The following MYO1D variants were observed in gnomAD, a reference collection of about 807,000 sequenced individuals.
The protein encoded by MYO1D is myosin ID.
Under a neutral mutation model 122.0 loss-of-function variants are expected in MYO1D, and 83 were observed. The observed-to-expected ratio is 0.68, with a 90% CI of 0.57 to 0.82. MYO1D has a LOEUF of 0.82. Ranked by LOEUF, MYO1D falls within the 40% of genes least tolerant of loss-of-function variation. The pLI is 0.00. For missense variants in MYO1D, 1,157 were observed against 1,269.5 expected (o/e 0.91, Z 1.35); for synonymous variants, 464 against 446.9 (o/e 1.04, Z -0.48).
At chr17:32,755,354 A>G in intron 11 of MYO1D, 138 bp downstream of exon 11, 1 of 905,934 alleles carries the variant, frequency 1.1e-6, no homozygotes. Flanking sequence ...GCAACAAATC[A>G]TTTAATGAAT....
At chr17:32,780,324 G>C (rs902230334) in intron 2 of MYO1D, among the ~76,000 whole-genome samples, 2 of 151,994 alleles carry the variant, frequency 1.3e-5, no homozygotes, top group African/African-American at 4.8e-5. Flanking sequence ...CATTTTCCAT[G>C]TCAGCTCAAT....
At chr17:32,683,563 G>A (rs1394718714) in intron 16 of MYO1D, among the ~76,000 whole-genome samples, 1 of 151,744 alleles carries the variant, frequency 6.6e-6, no homozygotes, top group Non-Finnish European at 1.5e-5. Context: ...AGGCTGCTCG[G>A]GGGTCAGGGG....
At chr17:32,537,293 TCTGGTTGC>T (rs1910691421) in intron 21 of MYO1D, among the ~76,000 whole-genome samples, 1 of 152,206 alleles carries the variant, frequency 6.6e-6, no homozygotes, top group South Asian at 2.1e-4. Context: ...CAGGGCCAAA[TCTGGTTGC>T]CTGTTTTTGT....
chr17:32,728,729 T>C (rs1340249467), intron 14 of MYO1D, among the ~76,000 whole-genome samples: 1 of 152,126 alleles, frequency 6.6e-6, no homozygotes, highest in Non-Finnish European at 1.5e-5. Flanking sequence ...ATTTGGAAAA[T>C]ATTTTGGACT....
intron 21 of MYO1D, among the ~76,000 whole-genome samples, chr17:32,569,846 G>A (rs2087206322): frequency 6.6e-6 from 1 of 152,164 alleles, no homozygotes; most frequent in Non-Finnish European, 1.5e-5. Flanking sequence ...GGGAATAAAG[G>A]AGAGATAAAA....
chr17:32,584,106 G>T (rs1416624841), intron 21 of MYO1D, among the ~76,000 whole-genome samples: 1 of 152,086 alleles, frequency 6.6e-6, no homozygotes, highest in African/African-American at 2.4e-5. Context: ...GTCCAGCTGT[G>T]TCCTACCTTT....
chr17:32,619,570 T>C (rs761615870), intron 20 of MYO1D, among the ~76,000 whole-genome samples: 1 of 152,228 alleles, frequency 6.6e-6, no homozygotes, highest in Non-Finnish European at 1.5e-5. Context: ...TGGTTTGTGC[T>C]GGGCATCTGC....
intron 16 of MYO1D, among the ~76,000 whole-genome samples, chr17:32,672,384 A>G (rs1480575645): frequency 2.0e-5 from 3 of 152,254 alleles, no homozygotes; most frequent in Non-Finnish European, 2.9e-5. Flanking sequence ...TGGACTTGCT[A>G]TAATAATTAA....
chr17:32,687,102 G>A (rs2089024490), intron 16 of MYO1D, among the ~76,000 whole-genome samples: 1 of 151,846 alleles, frequency 6.6e-6, no homozygotes, highest in Non-Finnish European at 1.5e-5. Context: ...TATACTATGA[G>A]GTGGGTACTA....
chr17:32,736,307 A>C (rs1379150492), intron 14 of MYO1D, among the ~76,000 whole-genome samples: 1 of 152,166 alleles, frequency 6.6e-6, no homozygotes, highest in Non-Finnish European at 1.5e-5. Context: ...TGCACTGCTG[A>C]CCAGAATGAA....
chr17:32,609,966 T>G (rs1272238996), intron 20 of MYO1D, among the ~76,000 whole-genome samples: 2 of 152,240 alleles, frequency 1.3e-5, no homozygotes, highest in Admixed American at 6.5e-5. Context: ...TCTATCACGC[T>G]TCACTCTCAT....
At chr17:32,856,200 G>A (rs1487219991) in intron 1 of MYO1D, among the ~76,000 whole-genome samples, 2 of 152,000 alleles carry the variant, frequency 1.3e-5, no homozygotes, top group Non-Finnish European at 2.9e-5. Context: ...GGAGAGATAT[G>A]GACAATTTCC....
At chr17:32,554,192 C>T (rs12946811) in intron 21 of MYO1D, among the ~76,000 whole-genome samples, 60 of 147,102 alleles carry the variant, frequency 4.1e-4, no homozygotes, top group Admixed American at 4.7e-4. Context: ...AGAGTCCCTG[C>T]CCCTGCCCCT....
At chr17:32,694,248 G>C (rs548499294) in intron 16 of MYO1D, among the ~76,000 whole-genome samples, 1 of 152,004 alleles carries the variant, frequency 6.6e-6, no homozygotes, top group Admixed American at 6.6e-5. Context: ...TTCCTCGCCG[G>C]AGGAGTTTGG....
chr17:32,852,125 G>A (rs1168707457), intron 1 of MYO1D, among the ~76,000 whole-genome samples: 1 of 152,146 alleles, frequency 6.6e-6, no homozygotes, highest in Non-Finnish European at 1.5e-5. Flanking sequence ...AACACTTGAT[G>A]AAATGTAAAG....
chr17:32,699,307 A>C (rs1194650839), intron 16 of MYO1D, among the ~76,000 whole-genome samples: 1 of 152,210 alleles, frequency 6.6e-6, no homozygotes, highest in African/African-American at 2.4e-5. Context: ...AGATGAAATG[A>C]TATGTCACTG....
chr17:32,665,886 G>T (rs1429367949), intron 16 of MYO1D, among the ~76,000 whole-genome samples: 1 of 152,112 alleles, frequency 6.6e-6, no homozygotes, highest in East Asian at 1.9e-4. Context: ...TCTCTTTCCT[G>T]CCAGAATCCT....
intron 4 of MYO1D, among the ~76,000 whole-genome samples, chr17:32,774,095 TCA>T (rs1401758845): frequency 1.3e-5 from 2 of 152,064 alleles, no homozygotes; most frequent in Non-Finnish European, 1.5e-5. Flanking sequence ...CCTCCCCTCC[TCA>T]CACCCGATCT....
rs774227499 is a variant in MYO1D at position 32,764,983 on chromosome 17, C to T, written c.930G>A (p.Met310Ile). Residue 310 changes from methionine to isoleucine, a missense_variant, in exon 8 of 22, where the codon ATG becomes ATA. By Grantham distance (10) the Met-to-Ile change is conservative (BLOSUM62 1). Coordinates refer to ENST00000318217, the MANE Select transcript of MYO1D (RefSeq NM_015194.3). The part of the protein sequence containing the change: ...IAELLSTKTD[M>I]VEKALLYRTV... Reference sequence around the variant, plus strand: ...TCCGGTAAAGAAGGGCTTTCTCAACCATATCTGTCTTAGTAGAGAGCAATT... The same window carrying T: ...TCCGGTAAAGAAGGGCTTTCTCAACTATATCTGTCTTAGTAGAGAGCAATT... The T allele has an allele frequency of 6.2e-7, 1 of 1,614,174 alleles. No individual in the cohort carries two copies. Among genetic ancestry groups the T allele is most frequent in the Non-Finnish European group, 8.5e-7 (1 of 1,180,024 alleles).
Sources: allele counts gnomAD v4.1 joint callset (sites outside exome capture counted in the v4.1 genomes callset), GRCh38; gene constraint gnomAD v4.1.1; transcripts MANE v1.5; gene names NCBI Gene and HGNC (gene_info 2026-07-23, HGNC 2026-07-21).